The following FGF13 variants were observed in gnomAD, a reference collection of about 807,000 sequenced individuals.
The protein encoded by FGF13 is fibroblast growth factor 13.
Under a neutral mutation model 19.5 loss-of-function variants are expected in FGF13, and 2 were observed. That is an observed-to-expected ratio of 0.10 (90% CI 0.04 to 0.32). The LOEUF (loss-of-function observed/expected upper bound fraction) is 0.32. Among genes scored for constraint, FGF13 ranks in the 10% least tolerant of loss-of-function variants. The pLI is 1.00. For missense variants in FGF13, 113 were observed against 192.7 expected (o/e 0.59, Z 2.45); for synonymous variants, 72 against 76.9 (o/e 0.94, Z 0.33).
chrX:138,770,458 C>T (rs187302744), intron 3 of FGF13, among the ~76,000 whole-genome samples: 96 of 111,043 alleles, frequency 8.6e-4, no homozygotes, highest in Non-Finnish European at 1.6e-3. Flanking sequence ...CTTCCACCCC[C>T]TCTTGACTCA....
chrX:138,995,797 G>T (rs1417196997), intron 1 of FGF13, among the ~76,000 whole-genome samples: 1 of 112,353 alleles, frequency 8.9e-6, no homozygotes. Context: ...ATGGTAAAAT[G>T]CTTTATATTC....
chrX:138,802,744 A>G (rs2090839138), intron 3 of FGF13, among the ~76,000 whole-genome samples: 1 of 111,024 alleles, frequency 9.0e-6, no homozygotes, highest in South Asian at 3.8e-4. Flanking sequence ...AAGTATTCAC[A>G]GGGATTCTAT....
intron 3 of FGF13, among the ~76,000 whole-genome samples, chrX:138,689,882 G>A (rs2089822010): frequency 8.9e-6 from 1 of 112,048 alleles, no homozygotes; most frequent in Admixed American, 9.5e-5. Context: ...TTTCTTATGT[G>A]AAATTTAATA....
rs2089021415 is a variant in FGF13 at position 138,622,259 on chromosome X, A to AGAT, written c.*10590_*10591insATC. On this transcript the variant is annotated 3_prime_UTR_variant, in exon 5 of 5. Coordinates refer to ENST00000315930, the MANE Select transcript of FGF13 (RefSeq NM_004114.5). ...TCACATTAAAAAGATCATTCACCAT[A>AGAT]ATCAAGTGAGAGTTATCCCTGGGAT... The AGAT allele has an allele frequency of 9.0e-6, 1 of 111,610 alleles. No individual in the cohort carries two copies. Among genetic ancestry groups the AGAT allele is most frequent in the African/African-American group, 3.3e-5 (1 of 30,764 alleles). 9.2% of individuals were successfully genotyped at this position (111,610 alleles called of 1,213,427 possible). A position where few individuals can be genotyped will look rare whatever the true frequency, so the allele number is the denominator to read the frequency against.
rs190320434 is a variant in FGF13, at chrX:139,108,664, A to T, written c.-113+94752T>A. Among the ~76,000 whole-genome samples, 844 of 110,188 alleles carry T rather than the reference A, an allele frequency of 7.7e-3. 5 individuals are homozygous for T. Among genetic ancestry groups the T allele is most frequent in the African/African-American group, 0.013 (407 of 30,312 alleles). ...TGTATGCATGGATTTTTATATATAT[A>T]TTTTTTTTAATTTTAACTTTTATTT... On this transcript the variant is annotated intron_variant, in intron 1 of 2. Transcript: ENST00000421460.
At chrX:138,774,516 T>C (rs1198004801) in intron 3 of FGF13, among the ~76,000 whole-genome samples, 1 of 111,701 alleles carries the variant, frequency 9.0e-6, no homozygotes, top group Non-Finnish European at 1.9e-5. Flanking sequence ...ACATTCAAAC[T>C]GAGAGAGTTT....
intron 1 of FGF13, among the ~76,000 whole-genome samples, chrX:139,173,148 C>G (rs1282920550): frequency 9.0e-6 from 1 of 111,662 alleles, no homozygotes; most frequent in African/African-American, 3.3e-5. Flanking sequence ...TTGACAAACC[C>G]AAAAGGACAG....
At chrX:138,734,898 A>G (rs185020700) in intron 1 of FGF13, among the ~76,000 whole-genome samples, 1 of 111,469 alleles carries the variant, frequency 9.0e-6, no homozygotes, top group East Asian at 2.9e-4. Context: ...ACATTAATGA[A>G]TTGGGCAAAT....
chrX:138,865,975 G>C (rs980632770), intron 1 of FGF13, among the ~76,000 whole-genome samples: 10 of 112,061 alleles, frequency 8.9e-5, no homozygotes, highest in African/African-American at 3.2e-4. Flanking sequence ...TGCAATCTCA[G>C]AGCAGTCCAA....
At chrX:138,774,996 G>A (rs2090577539) in intron 3 of FGF13, among the ~76,000 whole-genome samples, 1 of 112,301 alleles carries the variant, frequency 8.9e-6, no homozygotes, top group Admixed American at 9.4e-5. Context: ...GTCTTGCTCT[G>A]CCACCCAGGC....
intron 3 of FGF13, among the ~76,000 whole-genome samples, chrX:138,662,198 G>A (rs766594331): frequency 9.0e-6 from 1 of 111,702 alleles, no homozygotes; most frequent in African/African-American, 3.2e-5. Context: ...CTGGCATTGA[G>A]TGATTCACTT....
At position 139,006,209 on chromosome X, in the gene FGF13, G is replaced by T. The variant is rs142805421; in HGVS notation, c.-112-141559C>A. On this transcript the variant is annotated intron_variant, in intron 1 of 2. Transcript: ENST00000421460. ...CATGAGAAAAGAAACAACATAAAAT[G>T]GAGCTCCAATACGTCTGGCAGCAGA... is the stretch of plus-strand genomic sequence containing the variant. Among the ~76,000 whole-genome samples, 724 of 111,426 alleles carry T rather than the reference G, an allele frequency of 6.5e-3. 6 individuals carry two copies. The highest frequency in any genetic ancestry group is 0.023 in the African/African-American group (693 of 30,723).
intron 3 of FGF13, among the ~76,000 whole-genome samples, chrX:138,809,548 C>T (rs1444864794): frequency 9.0e-6 from 1 of 111,558 alleles, no homozygotes; most frequent in African/African-American, 3.3e-5. Context: ...GGCAGGGAGG[C>T]CTTCTCTCAC....
At chrX:139,098,752 G>C (rs2083487501) in intron 1 of FGF13, among the ~76,000 whole-genome samples, 2 of 111,323 alleles carry the variant, frequency 1.8e-5, no homozygotes, top group Admixed American at 1.9e-4. Context: ...AAGGGAGAGG[G>C]ACAAAGATTG....
intron 3 of FGF13, among the ~76,000 whole-genome samples, chrX:138,786,940 A>T (rs1434241916): frequency 8.9e-6 from 1 of 112,273 alleles, no homozygotes; most frequent in Non-Finnish European, 1.9e-5. Flanking sequence ...GTAACTGGGC[A>T]TTTTCCCTTC....
At chrX:138,736,609 C>A (rs2090276478) in intron 1 of FGF13, among the ~76,000 whole-genome samples, 1 of 109,464 alleles carries the variant, frequency 9.1e-6, no homozygotes, top group South Asian at 4.0e-4. Context: ...ATTTGCAACC[C>A]CTGAAAAATG....
chrX:138,837,521 A>G (rs1232100307), intron 3 of FGF13, among the ~76,000 whole-genome samples: 1 of 112,427 alleles, frequency 8.9e-6, no homozygotes. Flanking sequence ...TTGGCTCTGC[A>G]GAAGCTGGAG....
chrX:138,649,704 C>G (rs900678090), intron 3 of FGF13, among the ~76,000 whole-genome samples: 7 of 112,250 alleles, frequency 6.2e-5, no homozygotes, highest in African/African-American at 2.3e-4. Context: ...TTTATATCAA[C>G]TAAAACATTT....
intron 1 of FGF13, among the ~76,000 whole-genome samples, chrX:138,724,199 C>A (rs1341422934): frequency 8.9e-6 from 1 of 111,836 alleles, no homozygotes; most frequent in Non-Finnish European, 1.9e-5. Flanking sequence ...GAAGACATTT[C>A]CAACAATAGG....
Sources: allele counts gnomAD v4.1 joint callset (sites outside exome capture counted in the v4.1 genomes callset), GRCh38; gene constraint gnomAD v4.1.1; transcripts MANE v1.5; gene names NCBI Gene and HGNC (gene_info 2026-07-23, HGNC 2026-07-21).